The following WRAP53 variants were observed in gnomAD, a reference collection of about 807,000 sequenced individuals.
WRAP53 encodes the protein telomerase Cajal body protein 1.
Under a neutral mutation model 56.6 loss-of-function variants are expected in WRAP53, and 28 were observed. The observed-to-expected ratio is 0.50, with a 90% CI of 0.37 to 0.68. WRAP53 has a LOEUF of 0.68. WRAP53 is among the 30% of genes least tolerant of loss of function. WRAP53 has a pLI of 0.00. For missense variants in WRAP53, 671 were observed against 715.5 expected, an observed-to-expected ratio of 0.94 and a Z score of 0.71; for synonymous variants, 283 against 283.4, an observed-to-expected ratio of 1.00 and a Z score of 0.01.
chr17:7,687,487 T>G (rs1410832125), upstream of WRAP53: 1 of 398,506 alleles, frequency 2.5e-6, no homozygotes, highest in Non-Finnish European at 4.4e-6. Flanking sequence ...TCTAGACTTT[T>G]GAGAAGCTCA....
rs759039161 is a variant in WRAP53, at chr17:7,700,754, G to A, written c.656G>A (p.Arg219Gln). ...VEYAEMVPVL[R>Q]MVEGDTIYDY... ...GTCTCTGTATAGGTCCCTGTCCTTC[G>A]AATGGTGGAAGGTGATACCATCTAT... Residue 219 changes from arginine to glutamine, a missense_variant, in exon 5 of 11, where the codon CGA becomes CAA. By Grantham distance (43) the Arg-to-Gln change is conservative. Transcript: ENST00000396463. 9 of 1,612,382 alleles carry A rather than the reference G, an allele frequency of 5.6e-6. No individual in the cohort carries two copies. Among genetic ancestry groups the A allele is most frequent in the East Asian group, 4.5e-5 (2 of 44,808 alleles).
chr17:7,702,939 G>T lies in WRAP53; in HGVS notation c.1269-54G>T. The stretch of plus-strand genomic sequence containing the variant: ...GGGTCCCAGTCCCTGGGTGTGAGGG[G>T]TTCCTGCCCCAGGGGTGAGGCCTCT... On this transcript the variant is annotated intron_variant, in intron 9 of 10. Coordinates refer to ENST00000396463, the MANE Select transcript of WRAP53 (RefSeq NM_001143992.2). This position sits in a 1 kb window ranked among gnomAD's most constrained non-coding sequence, Gnocchi z 5.0. 6.2e-7 allele frequency: 1 copy of T among 1,612,828 alleles called. No individual in the cohort carries two copies. Among genetic ancestry groups the T allele is most frequent in the Non-Finnish European group, 8.5e-7 (1 of 1,179,994 alleles).
At chr17:7,699,768 C>T (rs947207274) in intron 4 of WRAP53, among the ~76,000 whole-genome samples, 4 of 150,962 alleles carry the variant, frequency 2.6e-5, no homozygotes, top group African/African-American at 7.3e-5. Context: ...GACAGTGTTT[C>T]TGTTGCCCAG....
intron 4 of WRAP53, among the ~76,000 whole-genome samples, chr17:7,699,669 T>A (rs932917032): frequency 4.0e-5 from 6 of 149,508 alleles, no homozygotes; most frequent in South Asian, 2.1e-4. Flanking sequence ...GCTGTTTTTT[T>A]AATAAGATAC....
intron 4 of WRAP53, among the ~76,000 whole-genome samples, chr17:7,696,362 G>A (rs993589465): frequency 4.2e-5 from 6 of 143,034 alleles, no homozygotes; most frequent in Non-Finnish European, 6.0e-5. Flanking sequence ...GCAGTGGCGC[G>A]ATCTGGGTTC....
chr17:7,692,155 C>G (rs1457357593), intron 4 of WRAP53, among the ~76,000 whole-genome samples: 1 of 149,564 alleles, frequency 6.7e-6, no homozygotes, highest in Non-Finnish European at 1.5e-5. Flanking sequence ...AGTTTTAAAA[C>G]AGAAGAGTGA....
intron 4 of WRAP53, among the ~76,000 whole-genome samples, chr17:7,699,728 G>GT (rs1410737251): frequency 1.3e-5 from 2 of 149,708 alleles, no homozygotes; most frequent in Admixed American, 1.3e-4. Context: ...TTGTAAGGAG[G>GT]TTTTTTTGTT....
rs1366687303 is a variant in WRAP53 at position 7,700,600 on chromosome 17, A to G, written c.643-141A>G. 3 of 734,122 alleles carry G rather than the reference A, an allele frequency of 4.1e-6. No homozygotes were observed. The East Asian group carries it at 7.7e-5, about 19-fold the overall frequency. 45.5% of individuals were successfully genotyped at this position (734,122 alleles called of 1,614,324 possible). The stretch of plus-strand genomic sequence containing the variant: ...GCTTTTGGTGGCTAAATTTGACATT[A>G]AAGTCTGAGCTCACCCTTGAACATT... On this transcript the variant is annotated intron_variant, in intron 4 of 10. Transcript: ENST00000396463.
intron 4 of WRAP53, among the ~76,000 whole-genome samples, 185 bp from the exon 5 acceptor site, chr17:7,700,556 A>G (rs1299265135): frequency 2.0e-5 from 3 of 152,046 alleles, no homozygotes; most frequent in Non-Finnish European, 2.9e-5. Flanking sequence ...ATAAAAAAAA[A>G]AAAGTATGAA....
At chr17:7,699,473 TA>T (rs1434507636) in intron 4 of WRAP53, among the ~76,000 whole-genome samples, 258 of 10,068 alleles carry the variant, frequency 0.026, 9 homozygotes, top group African/African-American at 0.14. Flanking sequence ...TATATATATA[TA>T]TTTATATATA....
chr17:7,702,330 C>T lies in WRAP53; in HGVS notation c.956-14C>T, dbSNP rs1484627654. The T allele has an allele frequency of 6.8e-6, 11 of 1,613,852 alleles. No individual in the cohort carries two copies. The highest frequency in any genetic ancestry group is 9.3e-6 in the Non-Finnish European group (11 of 1,179,878). On this transcript the variant is annotated splice_polypyrimidine_tract_variant and intron_variant, in intron 7 of 10. Transcript: ENST00000396463. This position sits in a 1 kb window ranked among gnomAD's most constrained non-coding sequence, Gnocchi z 5.0. ...CCATTGCCCCCTCCCCCACTTTGTT[C>T]CTTCCCTCTCTAGCAAAAAAGCAGG...
intron 4 of WRAP53, among the ~76,000 whole-genome samples, chr17:7,695,683 G>GC (rs1198427236): frequency 6.6e-6 from 1 of 151,768 alleles, no homozygotes; most frequent in Admixed American, 6.6e-5. Flanking sequence ...TCTCCTGTTC[G>GC]CCCGCCATTT....
At chr17:7,687,430 C>A (rs1437291810), upstream of WRAP53, 1 of 398,582 alleles carries the variant, frequency 2.5e-6, no homozygotes, top group Non-Finnish European at 4.4e-6. Flanking sequence ...AGCCCGAACG[C>A]AAAGTGTCCC....
upstream of WRAP53, chr17:7,687,541 C>T (rs2074030001): frequency 2.5e-6 from 1 of 398,582 alleles, no homozygotes; most frequent in Admixed American, 4.4e-5. Context: ...GGGAAAACCC[C>T]AATCCCATCA....
rs960318586 is a variant in WRAP53, at chr17:7,688,479, T to G, written c.-84T>G. 1 of 702,330 alleles carries G rather than the reference T, an allele frequency of 1.4e-6. No homozygotes were observed. The highest frequency in any genetic ancestry group is 1.8e-5 in the African/African-American group (1 of 55,710). 43.5% of individuals were successfully genotyped at this position (702,330 alleles called of 1,614,324 possible). On this transcript the variant is annotated 5_prime_UTR_variant, in exon 1 of 11. Transcript: ENST00000396463. ...CGACCCGCGGTGCTAAGGAACACAG[T>G]GCTTTCAAAAGAATTGGCGTCCGCT...
intron 4 of WRAP53, among the ~76,000 whole-genome samples, chr17:7,691,653 G>C (rs1301949457): frequency 6.6e-6 from 1 of 152,078 alleles, no homozygotes; most frequent in African/African-American, 2.4e-5. Flanking sequence ...GCCTCCCAAA[G>C]TGCTGGGATT....
chr17:7,701,651 C>A lies in WRAP53; in HGVS notation c.823-6C>A. The A allele has an allele frequency of 1.9e-6, 3 of 1,614,250 alleles. No homozygotes were observed. The highest frequency in any genetic ancestry group is 2.5e-6 in the Non-Finnish European group (3 of 1,180,052). ...AGACCTGTTTTCAGCCCTTTCCTTC[C>A]CCCAGGATGAGCTGACGGCAGCCCA... On this transcript the variant is annotated splice_polypyrimidine_tract_variant and splice_region_variant and intron_variant, in intron 6 of 10. Transcript: ENST00000396463. This position sits in a 1 kb window ranked among gnomAD's most constrained non-coding sequence, Gnocchi z 4.2.
Position 7,702,041 on chromosome 17 carries a change from C to G in WRAP53, c.955+252C>G. 1 of 738,238 alleles carries G rather than the reference C, an allele frequency of 1.4e-6. No homozygotes were observed. Among genetic ancestry groups the G allele is most frequent in the South Asian group, 1.5e-5 (1 of 66,582 alleles). 45.7% of individuals were successfully genotyped at this position (738,238 alleles called of 1,614,324 possible). On this transcript the variant is annotated intron_variant, in intron 7 of 10. Transcript: ENST00000396463. The surrounding 1 kb of genome is among the most constrained non-coding windows in gnomAD (Gnocchi z 5.0). ...CCCTGTCAGCTGTGGAGCTTTTGGT[C>G]TCTGAAATCTTTCTAGAAAATTGTT... is the stretch of plus-strand genomic sequence containing the variant.
Position 7,701,790 on chromosome 17 carries a change from G to C in WRAP53, c.955+1G>C. The C allele has an allele frequency of 6.2e-7, 1 of 1,613,748 alleles. No homozygotes were observed. The highest frequency in any genetic ancestry group is 8.5e-7 in the Non-Finnish European group (1 of 1,179,840). On this transcript the variant is annotated splice_donor_variant, in intron 7 of 10. Coordinates refer to ENST00000396463, the MANE Select transcript of WRAP53 (RefSeq NM_001143992.2). LOFTEE classifies it high-confidence loss of function. This position sits in a 1 kb window ranked among gnomAD's most constrained non-coding sequence, Gnocchi z 4.2. ...GACTGCGAGGTCCGAGCCACATTTG[G>C]TAAGCATCTGTGCCTCCAAGGGAGG...
Sources: gnomAD v4.1 joint callset for allele counts (sites outside exome capture counted in the v4.1 genomes callset) on GRCh38, gnomAD v4.1.1 for gene constraint, Gnocchi (gnomAD v3.1) non-coding constraint, MANE v1.5 for transcripts, NCBI Gene and HGNC (gene_info 2026-07-23, HGNC 2026-07-21) for gene names.